BST1: variants seen among roughly 807,000 people sequenced by gnomAD.
BST1 encodes bone marrow stromal cell antigen 1, also known as ADP-ribosyl cyclase/cyclic ADP-ribose hydrolase 2.
BST1 carries 49 observed loss-of-function variants against 40.6 expected under a neutral mutation model. The observed-to-expected ratio is 1.21, with a 90% CI of 0.96 to 1.53. BST1 has a LOEUF of 1.53. BST1 is among the 40% of genes most tolerant of loss of function. The pLI is 0.00. For synonymous variants in BST1, 157 were observed against 159.3 expected (o/e 0.99, Z 0.11); for missense variants, 423 against 395.9 (o/e 1.07, Z -0.58).
intron 8 of BST1, among the ~76,000 whole-genome samples, chr4:15,726,940 G>A (rs900460585): frequency 1.3e-5 from 2 of 148,184 alleles, no homozygotes; most frequent in Non-Finnish European, 3.0e-5. Flanking sequence ...GCGTGATCTC[G>A]GCTCACTGCA....
the BST1 span, among the ~76,000 whole-genome samples, chr4:15,746,157 G>A: frequency 6.6e-6 from 1 of 152,186 alleles, no homozygotes; most frequent in African/African-American, 2.4e-5. Flanking sequence ...CCACCATCTG[G>A]TACTGCAACT....
chr4:15,746,427 A>G, the BST1 span, among the ~76,000 whole-genome samples: 4 of 152,222 alleles, frequency 2.6e-5, no homozygotes, highest in Non-Finnish European at 5.9e-5. Flanking sequence ...GGAGACTGGG[A>G]AGTTCAAGAG....
rs575533319 is a variant in BST1, at chr4:15,731,025, G to C, written c.852-715G>C. On this transcript the variant is annotated intron_variant, in intron 8 of 8. Transcript: ENST00000265016. The stretch of plus-strand genomic sequence containing the variant: ...TATATAAGGCCCGGACATTCTGCCA[G>C]TTTTTCTGCCAGTTTTTCTTGAGCA... The C allele has an allele frequency of 2.0e-3, 1,169 of 594,024 alleles. 4 individuals are homozygous for C. The highest frequency in any genetic ancestry group is 2.9e-3 in the Non-Finnish European group (1,012 of 353,992). The allele number at this position is 594,024 out of a possible 1,614,324, so 36.8% of individuals were successfully genotyped here.
At chr4:15,728,448 TC>T (rs1721221086) in intron 8 of BST1, among the ~76,000 whole-genome samples, 4 of 144,124 alleles carry the variant, frequency 2.8e-5, no homozygotes, top group Non-Finnish European at 3.0e-5. Flanking sequence ...TAATTCTTTT[TC>T]TTTTTTTTTT....
At chr4:15,705,430 GTAAAGCTCT>G in intron 1 of BST1, 76 bp from the exon 2 acceptor site, 4 of 1,444,366 alleles carry the variant, frequency 2.8e-6, no homozygotes, top group Non-Finnish European at 3.7e-6. Flanking sequence ...AAAATCTCTT[GTAAAGCTCT>G]TAGACAAATG....
chr4:15,768,835 T>C, the BST1 span, among the ~76,000 whole-genome samples: 3 of 152,136 alleles, frequency 2.0e-5, no homozygotes, highest in African/African-American at 7.2e-5. Flanking sequence ...ACAGTTTGGC[T>C]TGGGGAAAAA....
the BST1 span, among the ~76,000 whole-genome samples, chr4:15,762,746 C>G: frequency 6.6e-6 from 1 of 152,084 alleles, no homozygotes. Context: ...GCATTCTACT[C>G]TCTGCTATGA....
chr4:15,757,982 C>G, the BST1 span, among the ~76,000 whole-genome samples: 3 of 152,002 alleles, frequency 2.0e-5, no homozygotes, highest in Non-Finnish European at 4.4e-5. Flanking sequence ...TTTAAAAACC[C>G]AATAACATCA....
the BST1 span, among the ~76,000 whole-genome samples, chr4:15,768,028 A>T: frequency 0.6 from 91,191 of 152,024 alleles, 28,348 homozygotes; most frequent in African/African-American, 0.77. Flanking sequence ...GAAAAACAAA[A>T]TCATTCATTT....
At chr4:15,743,751 A>G in the BST1 span, among the ~76,000 whole-genome samples, 1 of 152,122 alleles carries the variant, frequency 6.6e-6, no homozygotes. Context: ...TGAGATTTTT[A>G]CCCTGGCTTT....
At chr4:15,748,636 G>C in the BST1 span, among the ~76,000 whole-genome samples, 1 of 152,184 alleles carries the variant, frequency 6.6e-6, no homozygotes, top group African/African-American at 2.4e-5. Context: ...TGTGCTTGTA[G>C]GATTTTCGCA....
chr4:15,734,298 C>G (rs1015620230), downstream of BST1, among the ~76,000 whole-genome samples: 23 of 151,956 alleles, frequency 1.5e-4, no homozygotes, highest in African/African-American at 4.8e-4. Context: ...TCCAAGTGTT[C>G]GTCAACACTC....
At chr4:15,769,982 G>C in the BST1 span, among the ~76,000 whole-genome samples, 1 of 152,136 alleles carries the variant, frequency 6.6e-6, no homozygotes, top group Non-Finnish European at 1.5e-5. Flanking sequence ...TGTGATTACA[G>C]GTGTGTGCCA....
At chr4:15,739,253 C>T (rs773697467), downstream of BST1, among the ~76,000 whole-genome samples, 29 of 152,192 alleles carry the variant, frequency 1.9e-4, no homozygotes, top group Non-Finnish European at 2.9e-4. Flanking sequence ...CATAATTACT[C>T]ATTACTTGAA....
the BST1 span, among the ~76,000 whole-genome samples, chr4:15,745,004 A>G: frequency 6.6e-6 from 1 of 152,212 alleles, no homozygotes; most frequent in South Asian, 2.1e-4. Context: ...TTAGCATTTC[A>G]GTAACAGTTT....
chr4:15,730,178 T>C (rs1489423267), intron 8 of BST1, among the ~76,000 whole-genome samples: 1 of 152,192 alleles, frequency 6.6e-6, no homozygotes, highest in Non-Finnish European at 1.5e-5. Context: ...AGCATTCAAA[T>C]GGAGTCAGGA....
intron 8 of BST1, among the ~76,000 whole-genome samples, chr4:15,727,100 A>G (rs1424401022): frequency 2.6e-5 from 4 of 152,162 alleles, no homozygotes. Flanking sequence ...GAAGGAAGAC[A>G]GTTTGATTGT....
chr4:15,705,088 G>A (rs915632626), intron 1 of BST1: 1 of 688,984 alleles, frequency 1.5e-6, no homozygotes, highest in Non-Finnish European at 2.7e-6. Context: ...TTGCAGCATT[G>A]GGCCTCCCTC....
At chr4:15,764,031 G>A in the BST1 span, among the ~76,000 whole-genome samples, 1 of 152,140 alleles carries the variant, frequency 6.6e-6, no homozygotes, top group Non-Finnish European at 1.5e-5. Flanking sequence ...TCAAGAGTGA[G>A]CGCTAATGTA....
Sources: gnomAD v4.1 joint callset for allele counts (sites outside exome capture counted in the v4.1 genomes callset) on GRCh38, gnomAD v4.1.1 for gene constraint, MANE v1.5 for transcripts, NCBI Gene and HGNC (gene_info 2026-07-23, HGNC 2026-07-21) for gene names.